Variants in NBEA observed in about 807,000 individuals in gnomAD.
The protein encoded by NBEA is lysosomal-trafficking regulator 2.
In NBEA, 44 loss-of-function variants were observed where a neutral mutation model predicts 343.4. The observed-to-expected ratio is 0.13, with a 90% CI of 0.10 to 0.16. NBEA has a LOEUF of 0.16. Among genes scored for constraint, NBEA ranks in the 10% least tolerant of loss-of-function variants. The probability of loss-of-function intolerance (pLI) is 1.00; values close to 1 mark genes in which losing one functional copy is unlikely to be tolerated. For synonymous variants in NBEA, 1,175 were observed against 1,238.7 expected (o/e 0.95, Z 1.08); for missense variants, 2,555 against 3,631.3 (o/e 0.70, Z 7.62).
chr13:35,191,415 G>T (rs542263265), intron 30 of NBEA, among the ~76,000 whole-genome samples: 123 of 151,974 alleles, frequency 8.1e-4, no homozygotes, highest in African/African-American at 3.0e-3. Flanking sequence ...TCTTATGGGC[G>T]TATAAGTTAG....
In NBEA at chr13:35,131,650, A is replaced by G. The variant is rs555556249; in HGVS notation, c.2336+8076A>G. Among the ~76,000 whole-genome samples the G allele has an allele frequency of 1.1e-3, 163 of 152,306 alleles. 4 individuals carry two copies. The highest frequency in any genetic ancestry group is 9.6e-3 in the Admixed American group (147 of 15,302). On this transcript the variant is annotated intron_variant, in intron 17 of 58. Coordinates refer to ENST00000379939, the MANE Select transcript of NBEA (RefSeq NM_001385012.1). Reference sequence around the variant, plus strand: ...TAACAATTAACAAAAGCCTGCTTTCACCACCCCTGTTTGACATCCTATTGG... The same window carrying G: ...TAACAATTAACAAAAGCCTGCTTTCGCCACCCCTGTTTGACATCCTATTGG...
chr13:35,503,180 C>T (rs2076950914), intron 41 of NBEA, among the ~76,000 whole-genome samples: 2 of 151,656 alleles, frequency 1.3e-5, no homozygotes, highest in East Asian at 3.9e-4. Flanking sequence ...CCAATGTACT[C>T]ATTGGTTTTT....
chr13:35,451,955 G>T (rs2046333568), intron 39 of NBEA, 137 bp from the exon 40 acceptor site: 1 of 677,420 alleles, frequency 1.5e-6, no homozygotes, highest in Non-Finnish European at 2.5e-6. Context: ...AGATAAAGAA[G>T]GTTAAAATGT....
intron 22 of NBEA, among the ~76,000 whole-genome samples, chr13:35,161,179 A>T (rs1287258763): frequency 1.4e-5 from 2 of 143,918 alleles, no homozygotes; most frequent in Non-Finnish European, 3.1e-5. Context: ...TTGTTTATTG[A>T]ACAATAGGCT....
intron 40 of NBEA, among the ~76,000 whole-genome samples, chr13:35,459,192 C>G (rs1026270239): frequency 2.0e-5 from 3 of 152,078 alleles, no homozygotes; most frequent in Admixed American, 1.3e-4. Context: ...CCAGTTGTAC[C>G]TTCCCTGATT....
intron 58 of NBEA, 84 bp downstream of exon 58, chr13:35,668,603 G>C (rs1289179779): frequency 5.4e-6 from 7 of 1,299,830 alleles, no homozygotes; most frequent in Non-Finnish European, 7.1e-6. Context: ...ATTGTGCTGT[G>C]AGTGCAATTC....
rs1217255669 is a variant in NBEA at position 35,196,305 on chromosome 13, A to G, written c.5366+3A>G. ...ATGCAGTTTCATTCCTTTGACAGGT[A>G]GGTACTGAACTTATTATTCACAGGG... On this transcript the variant is annotated splice_donor_region_variant and intron_variant, in intron 31 of 58. Coordinates refer to ENST00000379939, the MANE Select transcript of NBEA (RefSeq NM_001385012.1). 31 of 1,609,642 alleles carry G rather than the reference A, an allele frequency of 1.9e-5. No homozygotes were observed. The highest frequency in any genetic ancestry group is 2.7e-5 in the African/African-American group (2 of 74,902).
At chr13:35,518,712 G>C (rs2077579004) in intron 41 of NBEA, among the ~76,000 whole-genome samples, 1 of 152,168 alleles carries the variant, frequency 6.6e-6, no homozygotes, top group African/African-American at 2.4e-5. Context: ...TGCCCAATCA[G>C]GTTGAGCACA....
At chr13:35,425,989 C>T (rs184600958) in intron 38 of NBEA, among the ~76,000 whole-genome samples, 55 of 152,208 alleles carry the variant, frequency 3.6e-4, no homozygotes, top group Middle Eastern at 6.8e-3. Flanking sequence ...TTTCTGTTTT[C>T]CATTTGCTTG....
intron 34 of NBEA, among the ~76,000 whole-genome samples, chr13:35,239,381 G>C (rs186755865): frequency 6.6e-6 from 1 of 152,094 alleles, no homozygotes; most frequent in Admixed American, 6.5e-5. Context: ...TTATATAGGA[G>C]AAATTAAAGG....
At chr13:35,115,536 G>T (rs529284825) in intron 13 of NBEA, among the ~76,000 whole-genome samples, 1 of 151,892 alleles carries the variant, frequency 6.6e-6, no homozygotes, top group South Asian at 2.1e-4. Flanking sequence ...TTTTACTCTT[G>T]CTATTTATGT....
At chr13:35,221,477 A>T (rs1011592430) in intron 33 of NBEA, among the ~76,000 whole-genome samples, 2 of 152,138 alleles carry the variant, frequency 1.3e-5, no homozygotes, top group Non-Finnish European at 2.9e-5. Flanking sequence ...TACCTCTGTC[A>T]TCTTGTGTTA....
At chr13:35,058,930 T>C in intron 8 of NBEA, 67 bp downstream of exon 8, 1 of 1,316,682 alleles carries the variant, frequency 7.6e-7, no homozygotes, top group South Asian at 1.6e-5. Flanking sequence ...TGTAATATCA[T>C]TTTTAGTGAA....
At chr13:35,441,918 T>C (rs9573931) in intron 39 of NBEA, among the ~76,000 whole-genome samples, 70,763 of 151,384 alleles carry the variant, frequency 0.47, 17,601 homozygotes, top group East Asian at 0.66. Flanking sequence ...TCTCAAGTTG[T>C]CCAGTTAATC....
intron 17 of NBEA, among the ~76,000 whole-genome samples, chr13:35,135,375 A>G (rs1159101263): frequency 6.6e-6 from 1 of 152,078 alleles, no homozygotes; most frequent in East Asian, 1.9e-4. Flanking sequence ...GCTTCTTACT[A>G]CAGAATAATA....
chr13:35,350,521 A>T (rs2040135402), intron 37 of NBEA, among the ~76,000 whole-genome samples: 1 of 152,038 alleles, frequency 6.6e-6, no homozygotes, highest in African/African-American at 2.4e-5. Flanking sequence ...TAGGAATGAG[A>T]TTACTCTCGT....
chr13:35,355,182 C>T, intron 38 of NBEA, among the ~76,000 whole-genome samples: 1 of 137,660 alleles, frequency 7.3e-6, no homozygotes, highest in Admixed American at 7.3e-5. Context: ...TCTCACTTGA[C>T]TTATTGTACC....
At chr13:35,462,136 C>A (rs2046940335) in intron 40 of NBEA, among the ~76,000 whole-genome samples, 1 of 152,088 alleles carries the variant, frequency 6.6e-6, no homozygotes. Context: ...TGTGGTTGTC[C>A]CACCAAAACA....
chr13:35,084,510 A>C (rs370654926), intron 10 of NBEA, among the ~76,000 whole-genome samples: 34 of 152,340 alleles, frequency 2.2e-4, no homozygotes, highest in African/African-American at 8.2e-4. Context: ...CGAAGGTATA[A>C]ATAAAAATGT....
Sources: allele counts gnomAD v4.1 joint callset (sites outside exome capture counted in the v4.1 genomes callset), GRCh38; gene constraint gnomAD v4.1.1; transcripts MANE v1.5; gene names NCBI Gene and HGNC (gene_info 2026-07-23, HGNC 2026-07-21).